SPTBN1: variants seen among roughly 807,000 people sequenced by gnomAD.
The protein encoded by SPTBN1 is spectrin beta chain, non-erythrocytic 1.
Under a neutral mutation model 266.4 loss-of-function variants are expected in SPTBN1, and 32 were observed. The ratio of observed to expected loss-of-function variants is 0.12; its 90% CI spans 0.09 to 0.16. The LOEUF is 0.16. SPTBN1 is among the 10% of genes least tolerant of loss of function. The pLI, the probability that SPTBN1 is intolerant of heterozygous loss-of-function variation, is 1.00. For synonymous variants in SPTBN1, 1,336 were observed against 1,162.2 expected (o/e 1.15, Z -3.04); for missense variants, 2,296 against 3,067.1 (o/e 0.75, Z 5.94).
intron 1 of SPTBN1, among the ~76,000 whole-genome samples, chr2:54,503,843 G>T (rs1669404504): frequency 6.6e-6 from 1 of 152,084 alleles, no homozygotes; most frequent in Non-Finnish European, 1.5e-5. Flanking sequence ...GTTCACTTTT[G>T]GGGGGAATAT....
Position 54,622,440 on chromosome 2 carries a change from G to A in SPTBN1, c.1017G>A (p.Gln339=). ...CCAATTCACTGGTCGGGGTTCAACAGCAGCTTCAGGCATTCAACACTTACC... is the reference window on the plus strand; with the variant it reads ...CCAATTCACTGGTCGGGGTTCAACAACAGCTTCAGGCATTCAACACTTACC... ...KFANSLVGVQ[Q]QLQAFNTYRT... Residue 339 remains glutamine, a synonymous_variant, in exon 9 of 36, where the codon CAG becomes CAA. Coordinates refer to ENST00000356805, the MANE Select transcript of SPTBN1 (RefSeq NM_003128.3). The A allele has an allele frequency of 6.2e-7, 1 of 1,614,186 alleles. No individual in the cohort carries two copies.
chr2:54,475,912 T>C (rs1315910013), intron 1 of SPTBN1, among the ~76,000 whole-genome samples: 1 of 152,244 alleles, frequency 6.6e-6, no homozygotes, highest in Non-Finnish European at 1.5e-5. Flanking sequence ...TTTAATTCAC[T>C]GCTCTTTAGT....
chr2:54,645,283 C>T lies in SPTBN1; in HGVS notation c.4324C>T (p.Gln1442Ter). 6.2e-7 allele frequency: 1 copy of T among 1,614,200 alleles called. No homozygotes were observed. Reference sequence around the variant, plus strand: ...GAAGGAGATCGAAGAGCTCCAAAGCCAAGCCCAGGCCCTGAGTCAGGAAGG... The same window carrying T: ...GAAGGAGATCGAAGAGCTCCAAAGCTAAGCCCAGGCCCTGAGTCAGGAAGG... The part of the protein sequence containing the change: ...RKKEIEELQS[Q>*]AQALSQEGKS... Residue 1442 changes from glutamine to a stop codon, truncating the protein, a stop_gained, in exon 21 of 36, where the codon CAA (glutamine) becomes TAA (stop). Transcript: ENST00000356805. LOFTEE classifies it high-confidence loss of function. The surrounding 1 kb of genome is among the most constrained non-coding windows in gnomAD (Gnocchi z 4.3).
intron 17 of SPTBN1, among the ~76,000 whole-genome samples, chr2:54,634,498 CAGG>C (rs1251573300): frequency 6.6e-6 from 1 of 152,120 alleles, no homozygotes. Context: ...GACCTGCCAT[CAGG>C]AGAACTACAT....
rs750117527 is a variant in SPTBN1 at position 54,616,305 on chromosome 2, GTGAA to G, written c.566+12_566+15del. The G allele has an allele frequency of 6.2e-7, 1 of 1,612,994 alleles. No homozygotes were observed. Among genetic ancestry groups the G allele is most frequent in the Non-Finnish European group, 8.5e-7 (1 of 1,179,212 alleles). ...GCCAGATGAAGACAGCTGGGTGAGT[GTGAA>G]TGAAGAGGGTATTGGGGCTGCTTCT... On this transcript the variant is annotated splice_region_variant and intron_variant, in intron 5 of 35. Transcript: ENST00000356805.
At chr2:54,497,973 A>T (rs1669055942) in intron 1 of SPTBN1, among the ~76,000 whole-genome samples, 1 of 152,206 alleles carries the variant, frequency 6.6e-6, no homozygotes, top group African/African-American at 2.4e-5. Flanking sequence ...AAGGAAAAAA[A>T]CAAGCCCTCC....
At chr2:54,634,445 T>C (rs1320063194) in intron 17 of SPTBN1, among the ~76,000 whole-genome samples, 1 of 152,238 alleles carries the variant, frequency 6.6e-6, no homozygotes, top group Non-Finnish European at 1.5e-5. Flanking sequence ...AACCCTGTAC[T>C]ATCAATAAGC....
intron 3 of SPTBN1, among the ~76,000 whole-genome samples, chr2:54,602,333 T>A (rs141137350): frequency 5.3e-5 from 8 of 152,284 alleles, no homozygotes; most frequent in Non-Finnish European, 1.2e-4. Context: ...AGAATGAGGC[T>A]TGAGGGGTGA....
intron 29 of SPTBN1, 30 bp from the exon 30 acceptor site, chr2:54,657,820 A>G (rs778673249): frequency 6.2e-7 from 1 of 1,613,726 alleles, no homozygotes; most frequent in Non-Finnish European, 8.5e-7. Flanking sequence ...CTCCTGGTCA[A>G]CGTGTACTAA....
chr2:54,642,809 A>G (rs1191001493), intron 18 of SPTBN1, among the ~76,000 whole-genome samples, 174 bp from the exon 19 acceptor site: 2 of 152,234 alleles, frequency 1.3e-5, no homozygotes, highest in African/African-American at 4.8e-5. Flanking sequence ...TACAAGCTCC[A>G]TCTAATGGAC....
At chr2:54,637,436 A>G (rs1679224846) in intron 17 of SPTBN1, among the ~76,000 whole-genome samples, 1 of 152,122 alleles carries the variant, frequency 6.6e-6, no homozygotes, top group Non-Finnish European at 1.5e-5. Flanking sequence ...TTTTTTCTTA[A>G]CACCAGATTA....
chr2:54,602,546 A>G (rs1398610431), intron 3 of SPTBN1, among the ~76,000 whole-genome samples: 2 of 152,196 alleles, frequency 1.3e-5, no homozygotes, highest in Admixed American at 6.5e-5. Flanking sequence ...GCTCCTGGCC[A>G]GACTAAGCCC....
intron 1 of SPTBN1, among the ~76,000 whole-genome samples, chr2:54,493,254 C>T (rs890978453): frequency 6.6e-6 from 1 of 152,100 alleles, no homozygotes; most frequent in Non-Finnish European, 1.5e-5. Flanking sequence ...AATCCTCCCA[C>T]CTCAGCCTCC....
intron 1 of SPTBN1, among the ~76,000 whole-genome samples, chr2:54,522,661 AGAGAGAGAGAGAGAGAG>A (rs1435778240): frequency 3.4e-5 from 3 of 87,726 alleles, no homozygotes; most frequent in East Asian, 3.1e-4. Context: ...AGAGAGAAAG[AGAGAGAGAGAGAGAGAG>A]GAGAGAGAGA....
intron 3 of SPTBN1, 152 bp downstream of exon 3, chr2:54,599,395 C>G: frequency 1.2e-6 from 1 of 863,890 alleles, no homozygotes; most frequent in East Asian, 2.6e-5. Flanking sequence ...CAGGGAGAGC[C>G]TTAGTGTCAC....
intron 1 of SPTBN1, among the ~76,000 whole-genome samples, chr2:54,469,731 C>G (rs759320073): frequency 6.6e-6 from 1 of 152,186 alleles, no homozygotes; most frequent in African/African-American, 2.4e-5. Context: ...GTCCTCTGAG[C>G]AGATGAGAAT....
intron 3 of SPTBN1, among the ~76,000 whole-genome samples, chr2:54,601,939 G>T (rs545174295): frequency 4.2e-4 from 64 of 152,102 alleles, no homozygotes; most frequent in Non-Finnish European, 8.4e-4. Flanking sequence ...TATCATGTAG[G>T]CATTTGGGAA....
intron 4 of SPTBN1, among the ~76,000 whole-genome samples, chr2:54,614,109 G>T (rs1677412374): frequency 6.6e-6 from 1 of 152,200 alleles, no homozygotes; most frequent in Admixed American, 6.5e-5. Flanking sequence ...TTCTGTTGAG[G>T]TGAGAGGCAT....
At chr2:54,492,943 A>G (rs190879700) in intron 1 of SPTBN1, among the ~76,000 whole-genome samples, 42 of 152,174 alleles carry the variant, frequency 2.8e-4, no homozygotes, top group Admixed American at 2.4e-3. Flanking sequence ...TATTGAATAC[A>G]GTGTCCATCA....
Sources: gnomAD v4.1 joint callset for allele counts (sites outside exome capture counted in the v4.1 genomes callset) on GRCh38, gnomAD v4.1.1 for gene constraint, Gnocchi (gnomAD v3.1) non-coding constraint, MANE v1.5 for transcripts, NCBI Gene and HGNC (gene_info 2026-07-23, HGNC 2026-07-21) for gene names.